ADGRB1: variants seen among roughly 807,000 people sequenced by gnomAD.
ADGRB1 encodes the protein adhesion G protein-coupled receptor B1, also known as brain-specific angiogenesis inhibitor 1.
ADGRB1 carries 36 observed loss-of-function variants against 175.7 expected under a neutral mutation model. The observed-to-expected ratio is 0.20, with a 90% confidence interval of 0.16 to 0.27. ADGRB1 has a LOEUF of 0.27. Ranked by LOEUF, ADGRB1 falls within the 10% of genes least tolerant of loss-of-function variation. ADGRB1 has a pLI of 1.00. For synonymous variants in ADGRB1, 1,054 were observed against 979.4 expected (o/e 1.08, Z -1.42); for missense variants, 1,731 against 2,255.3 (o/e 0.77, Z 4.71).
intron 24 of ADGRB1, among the ~76,000 whole-genome samples, chr8:142,528,775 C>T (rs1410932704): frequency 2.6e-5 from 4 of 152,222 alleles, no homozygotes; most frequent in African/African-American, 7.2e-5. Flanking sequence ...TTCTAGGCCA[C>T]TCCCGTCCCC....
Position 142,464,339 on chromosome 8 carries a change from G to T in ADGRB1, c.141G>T (p.Val47=). Residue 47 remains valine (V), a synonymous_variant, in exon 2 of 31, where the codon GTG becomes GTT. Transcript: ENST00000517894. ...GPGPEPCATL[V]QGKFFGYFSA... is the part of the protein sequence containing the mutation. ...GGCCCGAGCCGTGCGCCACGCTGGT[G>T]CAGGGAAAGTTCTTCGGCTACTTCT... 6.6e-7 allele frequency: 1 copy of T among 1,508,774 alleles called. No homozygotes were observed. The highest frequency in any genetic ancestry group is 1.3e-5 in the South Asian group (1 of 79,990). 93.5% of individuals were successfully genotyped at this position (1,508,774 alleles called of 1,614,324 possible). A position where few individuals can be genotyped will look rare whatever the true frequency, so the allele number is the denominator to read the frequency against.
intron 2 of ADGRB1, among the ~76,000 whole-genome samples, 193 bp downstream of exon 2, chr8:142,465,175 AGT>A (rs554353173): frequency 1.6e-3 from 237 of 152,076 alleles, no homozygotes; most frequent in African/African-American, 5.1e-3. Context: ...CTGTCTGGAG[AGT>A]GTGTACCCTG....
At chr8:142,466,975 T>G (rs1587263845) in intron 2 of ADGRB1, among the ~76,000 whole-genome samples, 1 of 152,216 alleles carries the variant, frequency 6.6e-6, no homozygotes, top group East Asian at 1.9e-4. Flanking sequence ...ACTGAAGAGC[T>G]GGTCGTTAGC....
chr8:142,477,813 C>G (rs1296754980), intron 6 of ADGRB1, among the ~76,000 whole-genome samples: 1 of 151,798 alleles, frequency 6.6e-6, no homozygotes, highest in Non-Finnish European at 1.5e-5. Flanking sequence ...CATGCCATGT[C>G]CCAGGCTGGG....
At chr8:142,485,550 A>T (rs1841625512) in intron 13 of ADGRB1, among the ~76,000 whole-genome samples, 1 of 152,172 alleles carries the variant, frequency 6.6e-6, no homozygotes, top group African/African-American at 2.4e-5. Flanking sequence ...AAAAATTAGC[A>T]CCAAGGAGGG....
At chr8:142,479,889 A>G in intron 9 of ADGRB1, 95 bp downstream of exon 9, 2 of 1,348,730 alleles carry the variant, frequency 1.5e-6, no homozygotes, top group South Asian at 2.8e-5. Flanking sequence ...GAGGCGGCCC[A>G]GACACGGAGC....
chr8:142,480,465 G>A (rs373578748), intron 9 of ADGRB1, among the ~76,000 whole-genome samples: 2 of 152,042 alleles, frequency 1.3e-5, no homozygotes, highest in African/African-American at 2.4e-5. Flanking sequence ...TGCCAGCTGC[G>A]GCTGCTGCTC....
chr8:142,464,832 C>T lies in ADGRB1; in HGVS notation c.634C>T (p.Pro212Ser), dbSNP rs1295684845. 23 of 1,528,976 alleles carry T rather than the reference C, an allele frequency of 1.5e-5. No individual in the cohort carries two copies. Among genetic ancestry groups the T allele is most frequent in the Non-Finnish European group, 2.0e-5 (23 of 1,143,146 alleles). The allele number at this position is 1,528,976 out of a possible 1,614,324, so 94.7% of individuals were successfully genotyped here. Residue 212 changes from proline to serine, a missense_variant, in exon 2 of 31, where the codon CCC becomes TCC. Pro to Ser is a moderately conservative substitution (Grantham distance 74). Around this residue, in one of 8 missense-constraint regions of ADGRB1, gnomAD observed 383 missense variants for 383.1 expected, o/e 1.00. Transcript: ENST00000517894. ...SSHPCGIMQTPCACLGGEAGG... is the reference protein window; with the variant it reads ...SSHPCGIMQTSCACLGGEAGG... ...GCACCCCTGCGGGATCATGCAGACC[C>T]CCTGCGCCTGCCTGGGCGGCGAGGC...
chr8:142,518,456 A>G (rs4977034), intron 19 of ADGRB1, among the ~76,000 whole-genome samples: 1 of 152,016 alleles, frequency 6.6e-6, no homozygotes, highest in Non-Finnish European at 1.5e-5. Context: ...TAATGTGTAC[A>G]TGCCGCACAA....
In ADGRB1 at chr8:142,477,466, C is replaced by T. The variant is rs1464482282; in HGVS notation, c.1304C>T (p.Thr435Ile). The part of the protein sequence containing the change: ...CGRGFRDRTR[T>I]CRPPQFGGNP... ...CGTGGCTTTCGGGATCGCACGCGCACCTGCAGGCCCCCCCAGTTTGGGGGC... is the reference window on the plus strand; with the variant it reads ...CGTGGCTTTCGGGATCGCACGCGCATCTGCAGGCCCCCCCAGTTTGGGGGC... Residue 435 changes from threonine to isoleucine, a missense_variant, in exon 6 of 31, where the codon ACC becomes ATC. By Grantham distance (89) the Thr-to-Ile change is moderately conservative. This residue lies in a region of ADGRB1 where 388 missense variants were observed against 630.9 expected (regional missense o/e 0.61). Transcript: ENST00000517894. 1 of 1,612,758 alleles carries T rather than the reference C, an allele frequency of 6.2e-7. No individual in the cohort carries two copies. Among genetic ancestry groups the T allele is most frequent in the East Asian group, 2.2e-5 (1 of 44,896 alleles).
intron 26 of ADGRB1, 106 bp from the exon 27 acceptor site, chr8:142,539,268 C>A: frequency 8.3e-7 from 1 of 1,209,320 alleles, no homozygotes. Context: ...ACAGGGGTTC[C>A]TCGGGGCAGC....
intron 24 of ADGRB1, among the ~76,000 whole-genome samples, 165 bp downstream of exon 24, chr8:142,526,792 T>G (rs1299962298): frequency 6.6e-6 from 1 of 152,144 alleles, no homozygotes; most frequent in Non-Finnish European, 1.5e-5. Flanking sequence ...CCCCTTAGGC[T>G]CAGCCAGCCC....
At chr8:142,470,008 G>GGAGC (rs1840564810) in intron 2 of ADGRB1, among the ~76,000 whole-genome samples, 1 of 152,228 alleles carries the variant, frequency 6.6e-6, no homozygotes, top group Non-Finnish European at 1.5e-5. Flanking sequence ...GCCAAGTGCA[G>GGAGC]GAGCAAGCAG....
At chr8:142,452,155 G>A (rs1839389521) in intron 1 of ADGRB1, among the ~76,000 whole-genome samples, 1 of 152,200 alleles carries the variant, frequency 6.6e-6, no homozygotes, top group South Asian at 2.1e-4. Context: ...CCTTCGGCTC[G>A]CTAGCTGCTC....
chr8:142,528,496 C>T (rs1211961224), intron 24 of ADGRB1, among the ~76,000 whole-genome samples: 1 of 152,188 alleles, frequency 6.6e-6, no homozygotes, highest in Non-Finnish European at 1.5e-5. Flanking sequence ...GCCTGGTTTC[C>T]GAGAGCAGGG....
intron 7 of ADGRB1, 37 bp from the exon 8 acceptor site, chr8:142,479,286 T>G: frequency 6.9e-7 from 1 of 1,454,598 alleles, no homozygotes; most frequent in Non-Finnish European, 9.0e-7. Context: ...CCTGCCCTTC[T>G]TGTCGCCTGT....
At chr8:142,487,267 C>T (rs1379410735) in intron 13 of ADGRB1, among the ~76,000 whole-genome samples, 2 of 152,146 alleles carry the variant, frequency 1.3e-5, no homozygotes, top group East Asian at 3.9e-4. Flanking sequence ...GGGTGCTGCT[C>T]CAGCGTCCGT....
In ADGRB1 at chr8:142,543,890, A is replaced by G. The variant is rs2132301873; in HGVS notation, c.4557+182A>G. Among the ~76,000 whole-genome samples, 1 of 152,162 alleles carries G rather than the reference A, an allele frequency of 6.6e-6. No individual in the cohort carries two copies. Among genetic ancestry groups the G allele is most frequent in the Admixed American group, 6.5e-5 (1 of 15,294 alleles). On this transcript the variant is annotated intron_variant, in intron 30 of 30. Transcript: ENST00000517894. The surrounding 1 kb of genome is among the most constrained non-coding windows in gnomAD (Gnocchi z 4.4). ...CCTGCCATGCCAGACTCTGGAGGCCATGGCCATACTGGGAGCTGAGCGGTC... is the reference window on the plus strand; with the variant it reads ...CCTGCCATGCCAGACTCTGGAGGCCGTGGCCATACTGGGAGCTGAGCGGTC...
chr8:142,542,661 G>C lies in ADGRB1; in HGVS notation c.4413+14G>C. The C allele has an allele frequency of 6.5e-7, 1 of 1,538,338 alleles. No individual in the cohort carries two copies. Among genetic ancestry groups the C allele is most frequent in the Non-Finnish European group, 8.8e-7 (1 of 1,141,856 alleles). On this transcript the variant is annotated intron_variant, in intron 28 of 30. Transcript: ENST00000517894. The surrounding 1 kb of genome is among the most constrained non-coding windows in gnomAD (Gnocchi z 6.3). ...AGCTCCCTGGAGGTGAGGGGGGCAG[G>C]GGTGGGCCACACCCCAGCCAGCGAG... is the stretch of plus-strand genomic sequence containing the variant.
Sources: gnomAD v4.1 joint callset for allele counts (sites outside exome capture counted in the v4.1 genomes callset) on GRCh38, gnomAD v4.1.1 for gene constraint, gnomAD v4.1.1 regional missense constraint, Gnocchi (gnomAD v3.1) non-coding constraint, MANE v1.5 for transcripts, NCBI Gene and HGNC (gene_info 2026-07-23, HGNC 2026-07-21) for gene names.